BRD7: variants seen among roughly 807,000 people sequenced by gnomAD.
The protein encoded by BRD7 is bromodomain-containing protein 7.
BRD7 carries 15 observed loss-of-function variants against 82.1 expected under a neutral mutation model. The ratio of observed to expected loss-of-function variants is 0.18; its 90% CI spans 0.12 to 0.28. BRD7 has a LOEUF of 0.28. Among genes scored for constraint, BRD7 ranks in the 10% least tolerant of loss-of-function variants. The probability of loss-of-function intolerance (pLI) is 1.00; values close to 1 mark genes in which losing one functional copy is unlikely to be tolerated. For synonymous variants in BRD7, 232 were observed against 266.9 expected, an observed-to-expected ratio of 0.87 and a Z score of 1.27; for missense variants, 638 against 779.9, an observed-to-expected ratio of 0.82 and a Z score of 2.17.
chr16:50,323,543 G>T (rs749646514), intron 12 of BRD7, 44 bp downstream of exon 12: 2 of 1,364,682 alleles, frequency 1.5e-6, no homozygotes, highest in South Asian at 2.3e-5. Flanking sequence ...TAATGCTTGA[G>T]AGTCGATAAT....
intron 5 of BRD7, among the ~76,000 whole-genome samples, chr16:50,348,673 C>T (rs1445846444): frequency 6.6e-6 from 1 of 152,164 alleles, no homozygotes; most frequent in Non-Finnish European, 1.5e-5. Flanking sequence ...TCATCACTGG[C>T]AGTCGGAGAA....
chr16:50,322,300 A>G (rs2037153785), intron 12 of BRD7, among the ~76,000 whole-genome samples: 1 of 152,244 alleles, frequency 6.6e-6, no homozygotes, highest in Non-Finnish European at 1.5e-5. Context: ...TATTTGGTAA[A>G]TAACTTATAA....
intron 6 of BRD7, among the ~76,000 whole-genome samples, chr16:50,337,236 CTCT>C (rs1466710401): frequency 2.0e-5 from 3 of 148,714 alleles, no homozygotes; most frequent in Non-Finnish European, 3.0e-5. Context: ...TAAAAAGTTA[CTCT>C]TCATCTGTTC....
chr16:50,337,503 G>A (rs1222548396), intron 6 of BRD7, among the ~76,000 whole-genome samples: 9 of 151,746 alleles, frequency 5.9e-5, no homozygotes, highest in Non-Finnish European at 1.3e-4. Context: ...CAGATGATCC[G>A]CCCACCTCAG....
intron 1 of BRD7, 159 bp downstream of exon 1, chr16:50,368,567 C>CG (rs549696247): frequency 7.5e-5 from 59 of 782,976 alleles, no homozygotes; most frequent in Middle Eastern, 4.0e-4. Flanking sequence ...CGCGGCCGCA[C>CG]GGGGGGCAGC....
intron 9 of BRD7, 52 bp from the exon 10 acceptor site, chr16:50,326,443 C>A (rs758131181): frequency 7.6e-6 from 10 of 1,323,768 alleles, no homozygotes; most frequent in African/African-American, 7.4e-5. Context: ...CCATGACCCA[C>A]GGGGCCCTCT....
At chr16:50,355,096 G>A (rs77225728) in intron 2 of BRD7, among the ~76,000 whole-genome samples, 174 bp from the exon 3 acceptor site, 2,549 of 151,918 alleles carry the variant, frequency 0.017, 72 homozygotes, top group African/African-American at 0.058. Context: ...GTTCACGAAG[G>A]AAAAAACAAA....
At chr16:50,353,685 C>T (rs1376082965) in intron 4 of BRD7, among the ~76,000 whole-genome samples, 1 of 151,952 alleles carries the variant, frequency 6.6e-6, no homozygotes, top group African/African-American at 2.4e-5. Context: ...GCTCCATCTC[C>T]TGGGTTCACA....
intron 2 of BRD7, among the ~76,000 whole-genome samples, chr16:50,356,721 AAAAT>A (rs1433900768): frequency 1.4e-5 from 2 of 139,162 alleles, no homozygotes; most frequent in African/African-American, 5.6e-5. Flanking sequence ...GGGGAAAAAA[AAAAT>A]ATATATATAT....
At chr16:50,328,813 G>A (rs1344828570) in intron 8 of BRD7, 69 bp from the exon 9 acceptor site, 28 of 1,409,004 alleles carry the variant, frequency 2.0e-5, no homozygotes, top group East Asian at 6.9e-5. Flanking sequence ...TCCTTTATCC[G>A]AAATGCTTGA....
At chr16:50,352,910 A>T (rs1237629806) in intron 4 of BRD7, among the ~76,000 whole-genome samples, 1 of 152,186 alleles carries the variant, frequency 6.6e-6, no homozygotes, top group East Asian at 1.9e-4. Context: ...ACTCTAAGGC[A>T]GCCATGACAT....
At chr16:50,357,592 A>G (rs1020532255) in intron 2 of BRD7, among the ~76,000 whole-genome samples, 1 of 152,202 alleles carries the variant, frequency 6.6e-6, no homozygotes, top group Non-Finnish European at 1.5e-5. Flanking sequence ...AAGAAAGGAC[A>G]GCTTGAGAGG....
Position 50,368,752 on chromosome 16 carries a change from T to G in BRD7, c.23A>C (p.His8Pro). 1.3e-6 allele frequency: 2 copies of G among 1,550,890 alleles called. No homozygotes were observed. Among genetic ancestry groups the G allele is most frequent in the Non-Finnish European group, 1.7e-6 (2 of 1,150,036 alleles). Residue 8 changes from histidine to proline, a missense_variant, in exon 1 of 17, where the codon CAC (histidine) becomes CCC (proline). His to Pro is a moderately conservative substitution (Grantham distance 77). Around this residue, in one of 3 missense-constraint regions of BRD7, gnomAD observed 172 missense variants for 155.3 expected, o/e 1.11. Coordinates refer to ENST00000394688, the MANE Select transcript of BRD7 (RefSeq NM_013263.5). ...CTCGTAGAGGTGTTTGTCCGACTTG[T>G]GCTTCTTGTGCTTCTTGCCCATGTC... MGKKHKK[H>P]KSDKHLYEEY...
intron 5 of BRD7, among the ~76,000 whole-genome samples, chr16:50,342,036 A>G (rs1291624425): frequency 3.3e-5 from 5 of 152,068 alleles, no homozygotes; most frequent in Admixed American, 3.3e-4. Flanking sequence ...CCTAGAAAAA[A>G]GTGGCAACGT....
rs767142670 is a variant in BRD7 at position 50,333,594 on chromosome 16, T to C, written c.991A>G (p.Arg331Gly). The change falls in exon 8 of 17, where the codon AGG (arginine) becomes GGG (glycine). Residue 331 changes from arginine to glycine, a missense_variant. By Grantham distance (125) the Arg-to-Gly change is moderately radical (BLOSUM62 -2). Transcript: ENST00000394688. ...ATCACCTGACTGTTCACAAGCCGCC[T>C]GGTCAGCTTTCCTCCAGATTCCTTC... ...IVKESGGKLT[R>G]RLVNSQCEFE... 3.7e-6 allele frequency: 6 copies of C among 1,611,996 alleles called. No homozygotes were observed. In the East Asian group the frequency reaches 8.9e-5, roughly 24 times the overall value.
At chr16:50,319,366 G>T in intron 16 of BRD7, 100 bp from the exon 17 acceptor site, 1 of 1,124,932 alleles carries the variant, frequency 8.9e-7, no homozygotes, top group South Asian at 1.4e-5. Flanking sequence ...TAACTGCTGA[G>T]AGCCCTTCTT....
rs573438030 is a variant in BRD7, at chr16:50,334,751, C to T, written c.847G>A (p.Glu283Lys). ...QREREDSGDA[E>K]AHAFKSPSKE... ...CTGGGACTCTTGAAGGCGTGTGCTT[C>T]GGCATCTCCAGAGTCCTCTCTCTCT... Residue 283 changes from glutamate (E) to lysine (K), a missense_variant, in exon 7 of 17, where the codon GAA becomes AAA. Physicochemically the swap from Glu to Lys is moderately conservative, Grantham distance 56. Around this residue, in one of 3 missense-constraint regions of BRD7, gnomAD observed 402 missense variants for 500.8 expected, o/e 0.80. Transcript: ENST00000394688. 26 of 1,613,936 alleles carry T rather than the reference C, an allele frequency of 1.6e-5. No homozygotes were observed. The highest frequency in any genetic ancestry group is 3.3e-5 in the Admixed American group (2 of 60,008).
At chr16:50,319,373 T>C in intron 16 of BRD7, 107 bp from the exon 17 acceptor site, 3 of 984,432 alleles carry the variant, frequency 3.0e-6, no homozygotes, top group Non-Finnish European at 4.7e-6. Context: ...TGAGAGCCCT[T>C]CTTCACCACA....
At chr16:50,359,907 T>C (rs1375163520) in intron 2 of BRD7, among the ~76,000 whole-genome samples, 1 of 152,102 alleles carries the variant, frequency 6.6e-6, no homozygotes, top group Non-Finnish European at 1.5e-5. Flanking sequence ...AGGGGAAACA[T>C]CTTGTATGCA....
Sources: gnomAD v4.1 joint callset for allele counts (sites outside exome capture counted in the v4.1 genomes callset) on GRCh38, gnomAD v4.1.1 for gene constraint, gnomAD v4.1.1 regional missense constraint, MANE v1.5 for transcripts, NCBI Gene and HGNC (gene_info 2026-07-23, HGNC 2026-07-21) for gene names.